RBFOX1: variants seen among roughly 807,000 people sequenced by gnomAD.
RBFOX1 encodes RNA binding protein fox-1 homolog 1.
RBFOX1 carries 8 observed loss-of-function variants against 57.7 expected under a neutral mutation model. The ratio of observed to expected loss-of-function variants is 0.14; its 90% CI spans 0.08 to 0.25. The LOEUF is 0.25. Among genes scored for constraint, RBFOX1 ranks in the 10% least tolerant of loss-of-function variants. The pLI, the probability that RBFOX1 is intolerant of heterozygous loss-of-function variation, is 1.00. For synonymous variants in RBFOX1, 326 were observed against 222.4 expected (o/e 1.47, Z -4.15); for missense variants, 611 against 548.5 (o/e 1.11, Z -1.14).
At chr16:5,297,777 T>C (rs1461388132) in intron 1 of RBFOX1, among the ~76,000 whole-genome samples, 1 of 152,238 alleles carries the variant, frequency 6.6e-6, no homozygotes, top group African/African-American at 2.4e-5. Flanking sequence ...AGATTTTAGG[T>C]AGACCAATAG....
At chr16:7,411,696 G>C (rs2098426741) in intron 4 of RBFOX1, among the ~76,000 whole-genome samples, 1 of 152,088 alleles carries the variant, frequency 6.6e-6, no homozygotes, top group African/African-American at 2.4e-5. Context: ...CTGAGGTTGG[G>C]AGTTTGAGAC....
chr16:5,517,562 G>A (rs561311090), intron 2 of RBFOX1, among the ~76,000 whole-genome samples: 26 of 152,298 alleles, frequency 1.7e-4, no homozygotes, highest in Non-Finnish European at 3.2e-4. Context: ...CCAGTCCACT[G>A]TGAATGGTGA....
intron 2 of RBFOX1, among the ~76,000 whole-genome samples, chr16:5,575,289 C>T (rs998347782): frequency 6.6e-6 from 1 of 152,082 alleles, no homozygotes; most frequent in Non-Finnish European, 1.5e-5. Flanking sequence ...TCATTATCGT[C>T]GTCATCATCA....
intron 3 of RBFOX1, among the ~76,000 whole-genome samples, chr16:5,640,189 C>T (rs868767717): frequency 6.6e-6 from 1 of 152,150 alleles, no homozygotes; most frequent in South Asian, 2.1e-4. Context: ...GACAGCATTG[C>T]TCTCTGGAGG....
chr16:5,969,170 A>G (rs1255693750), intron 4 of RBFOX1, among the ~76,000 whole-genome samples: 12 of 152,018 alleles, frequency 7.9e-5, no homozygotes, highest in African/African-American at 2.9e-4. Context: ...AGAATGTTGC[A>G]GCATTGATCT....
intron 4 of RBFOX1, among the ~76,000 whole-genome samples, chr16:5,873,164 A>AAACAACAAC (rs57510700): frequency 6.6e-6 from 1 of 151,518 alleles, no homozygotes; most frequent in African/African-American, 2.4e-5. Flanking sequence ...ACAAAGAAAC[A>AAACAACAAC]AACAACAACA....
chr16:6,006,680 G>T (rs1057245198), intron 4 of RBFOX1, among the ~76,000 whole-genome samples: 3 of 152,242 alleles, frequency 2.0e-5, no homozygotes, highest in African/African-American at 7.2e-5. Context: ...AAGGGGAAGA[G>T]AGAGACCTGA....
chr16:5,277,927 C>T (rs2063181460), intron 1 of RBFOX1, among the ~76,000 whole-genome samples: 2 of 152,206 alleles, frequency 1.3e-5, no homozygotes, highest in Non-Finnish European at 1.5e-5. Context: ...GATTCCATAT[C>T]TTGGCTATTG....
chr16:5,975,884 T>C lies in RBFOX1; in HGVS notation c.351+108549T>C, dbSNP rs1183508609. The stretch of plus-strand genomic sequence containing the variant: ...TATCTGGAAGGGTGCAGTGGCTCAT[T>C]CCTATAATCCCAGTACTTTGGAGCT... On this transcript the variant is annotated intron_variant, in intron 4 of 19. Coordinates refer to the RBFOX1 transcript ENST00000641259. 2.6e-5 allele frequency among the ~76,000 whole-genome samples: 4 copies of C among 152,154 alleles called. No homozygotes were observed. In the East Asian group the frequency reaches 7.7e-4, roughly 29 times the overall value.
At chr16:7,079,002 G>A (rs2058744930) in intron 4 of RBFOX1, among the ~76,000 whole-genome samples, 1 of 148,284 alleles carries the variant, frequency 6.7e-6, no homozygotes, top group African/African-American at 2.5e-5. Context: ...GTCATATTGT[G>A]AGGCACTGGG....
chr16:5,364,867 C>A (rs1167071661), intron 1 of RBFOX1, among the ~76,000 whole-genome samples: 1 of 152,038 alleles, frequency 6.6e-6, no homozygotes, highest in Non-Finnish European at 1.5e-5. Flanking sequence ...GGATTTGGAC[C>A]CCATCTGTGA....
chr16:7,248,097 T>G (rs111988934), intron 4 of RBFOX1, among the ~76,000 whole-genome samples: 72 of 152,290 alleles, frequency 4.7e-4, no homozygotes, highest in Middle Eastern at 6.8e-3. Flanking sequence ...TAACCGCTGA[T>G]TTTAGGAAGA....
chr16:6,338,815 G>A (rs1423302198), intron 2 of RBFOX1, among the ~76,000 whole-genome samples: 3 of 152,194 alleles, frequency 2.0e-5, no homozygotes, highest in Admixed American at 6.5e-5. Flanking sequence ...ATTTGAACCT[G>A]TAGAAATGTA....
Position 7,423,472 on chromosome 16 carries a change from G to C in RBFOX1, c.28-94675G>C, listed in dbSNP as rs1285167153. ...CCAGCAGAATGGTAGAATGGAGGAAGGGGGAGATTTGGAAGGCTTTGGGGT... is the reference window on the plus strand; with the variant it reads ...CCAGCAGAATGGTAGAATGGAGGAACGGGGAGATTTGGAAGGCTTTGGGGT... On this transcript the variant is annotated intron_variant, in intron 4 of 15. Transcript: ENST00000550418. Among the ~76,000 whole-genome samples the C allele has an allele frequency of 2.0e-5, 3 of 152,104 alleles. No individual in the cohort carries two copies. In the South Asian group the frequency reaches 6.2e-4, roughly 32 times the overall value.
At chr16:7,421,015 C>T (rs1304805396) in intron 4 of RBFOX1, among the ~76,000 whole-genome samples, 2 of 150,814 alleles carry the variant, frequency 1.3e-5, no homozygotes, top group African/African-American at 2.5e-5. Flanking sequence ...ACGTGGGAGG[C>T]GAAATTGTGA....
chr16:6,682,234 C>T (rs1036820844), intron 3 of RBFOX1, among the ~76,000 whole-genome samples: 1 of 152,134 alleles, frequency 6.6e-6, no homozygotes, highest in Non-Finnish European at 1.5e-5. Context: ...ACAGAGTCAG[C>T]GCTTTCAGCT....
chr16:7,535,957 G>A (rs996334776), intron 5 of RBFOX1, among the ~76,000 whole-genome samples: 1 of 152,168 alleles, frequency 6.6e-6, no homozygotes. Context: ...ACTGGGCCTT[G>A]GAGATACAAG....
intron 2 of RBFOX1, among the ~76,000 whole-genome samples, chr16:5,548,776 C>G (rs2045337274): frequency 6.6e-6 from 1 of 152,144 alleles, no homozygotes; most frequent in South Asian, 2.1e-4. Flanking sequence ...CAAAACTTAT[C>G]AAGGGGCACA....
At chr16:6,948,010 C>G (rs2079908939) in intron 3 of RBFOX1, among the ~76,000 whole-genome samples, 1 of 152,128 alleles carries the variant, frequency 6.6e-6, no homozygotes, top group Non-Finnish European at 1.5e-5. Context: ...AACTCCTGAC[C>G]TAAAGCAGTC....
Sources: allele counts gnomAD v4.1 joint callset (sites outside exome capture counted in the v4.1 genomes callset), GRCh38; gene constraint gnomAD v4.1.1; transcripts MANE v1.5; gene names NCBI Gene and HGNC (gene_info 2026-07-23, HGNC 2026-07-21).